ATP2C2: variants seen among roughly 807,000 people sequenced by gnomAD.
ATP2C2 encodes the protein ATPase secretory pathway Ca2+ transporting 2, also known as calcium-transporting ATPase type 2C member 2.
A neutral mutation model predicts 110.8 loss-of-function variants in ATP2C2; 171 were observed. That is an observed-to-expected ratio of 1.54 (90% CI 1.36 to 1.75). The LOEUF is 1.75. Ranked by LOEUF, ATP2C2 falls within the 40% of genes most tolerant of loss-of-function variation. The pLI is 0.00. For missense variants in ATP2C2, 1,963 were observed against 1,235.0 expected (o/e 1.59, Z -8.84); for synonymous variants, 804 against 508.4 (o/e 1.58, Z -7.82).
Position 84,393,280 on chromosome 16 carries a change from C to T in ATP2C2, c.100-5219C>T, listed in dbSNP as rs550060288. On this transcript the variant is annotated intron_variant, in intron 1 of 26. Coordinates refer to ENST00000262429, the MANE Select transcript of ATP2C2 (RefSeq NM_014861.4). ...CAGATTAGGCCCCCGGGCCCCTATG[C>T]ATTCTTAAGGAGATGAGGGGGGTGC... Among the ~76,000 whole-genome samples the T allele has an allele frequency of 2.0e-5, 3 of 152,294 alleles. No individual in the cohort carries two copies. In the South Asian group the frequency reaches 6.2e-4, roughly 32 times the overall value.
At position 84,453,275 on chromosome 16, in the gene ATP2C2, A is replaced by C. The variant is rs1244412843; in HGVS notation, c.1929+40A>C. 3.1e-6 allele frequency: 5 copies of C among 1,614,098 alleles called. No individual in the cohort carries two copies. The South Asian group carries it at 4.4e-5, about 14-fold the overall frequency. On this transcript the variant is annotated intron_variant, in intron 19 of 26. Transcript: ENST00000262429. ...GCTTGGCTGGCAGTGGGGCTGGGTC[A>C]CAGCTTTGAAATCTGATTCTTCGTC...
chr16:84,459,802 T>A, intron 23 of ATP2C2: 1 of 522,840 alleles, frequency 1.9e-6, no homozygotes, highest in Non-Finnish European at 3.5e-6. Flanking sequence ...CTGATTGTGA[T>A]CTGTCTCCCC....
intron 12 of ATP2C2, 22 bp from the exon 13 acceptor site, chr16:84,439,405 A>T: frequency 2.5e-6 from 4 of 1,613,896 alleles, no homozygotes; most frequent in Non-Finnish European, 3.4e-6. Context: ...TCTCTTCTAT[A>T]AACTGGTGTT....
intron 1 of ATP2C2, among the ~76,000 whole-genome samples, chr16:84,375,957 GGGGTA>G (rs1363899082): frequency 2.0e-5 from 3 of 152,168 alleles, no homozygotes; most frequent in Non-Finnish European, 2.9e-5. Flanking sequence ...GGGCTCGGTG[GGGGTA>G]GCTGGGTGGG....
At chr16:84,440,076 GA>G (rs1231285457) in intron 13 of ATP2C2, among the ~76,000 whole-genome samples, 1 of 152,240 alleles carries the variant, frequency 6.6e-6, no homozygotes, top group Non-Finnish European at 1.5e-5. Context: ...GACCTCAGGT[GA>G]TCCGCCCGCC....
intron 17 of ATP2C2, among the ~76,000 whole-genome samples, chr16:84,451,228 T>A (rs1218771434): frequency 6.6e-6 from 1 of 152,164 alleles, no homozygotes; most frequent in Non-Finnish European, 1.5e-5. Context: ...TCCTGAGATG[T>A]ATTCACTACC....
chr16:84,382,546 G>T (rs1366001225), intron 1 of ATP2C2, among the ~76,000 whole-genome samples: 1 of 152,186 alleles, frequency 6.6e-6, no homozygotes, highest in African/African-American at 2.4e-5. Flanking sequence ...CATGGGGGCT[G>T]ATCTGTTCAG....
rs532503768 is a variant in ATP2C2 at position 84,431,084 on chromosome 16, C to G, written c.986+5283C>G. On this transcript the variant is annotated intron_variant, in intron 11 of 26. Transcript: ENST00000262429. ...CAGCTGGATCAGGTAGATCTCTGCC[C>G]TCCTGGAGTTTTCTGGCTGGGGAAA... 2.2e-4 allele frequency among the ~76,000 whole-genome samples: 33 copies of G among 152,192 alleles called. No individual in the cohort carries two copies. In the South Asian group the frequency reaches 2.9e-3, roughly 13 times the overall value.
chr16:84,435,719 A>G (rs200863891), intron 11 of ATP2C2, among the ~76,000 whole-genome samples: 1 of 151,496 alleles, frequency 6.6e-6, no homozygotes, highest in Non-Finnish European at 1.5e-5. Context: ...CCCGGCTACC[A>G]GGGAGGCAGA....
In ATP2C2 at chr16:84,459,673, A is replaced by C; in HGVS notation, c.2333+287A>C. On this transcript the variant is annotated intron_variant, in intron 23 of 26. Coordinates refer to ENST00000262429, the MANE Select transcript of ATP2C2 (RefSeq NM_014861.4). ...ATGGCTCATTCTCATGCTTCATTCC[A>C]GTCACCAGTCACTGCCTTCAGGAAG... The C allele has an allele frequency of 8.0e-6, 10 of 1,244,596 alleles. No individual in the cohort carries two copies. In the South Asian group the frequency reaches 1.1e-4, roughly 14 times the overall value. 77.1% of individuals were successfully genotyped at this position (1,244,596 alleles called of 1,614,324 possible). A position where few individuals can be genotyped will look rare whatever the true frequency, so the allele number is the denominator to read the frequency against.
At chr16:84,422,087 A>T (rs1367883720) in intron 7 of ATP2C2, among the ~76,000 whole-genome samples, 1 of 152,172 alleles carries the variant, frequency 6.6e-6, no homozygotes, top group African/African-American at 2.4e-5. Context: ...GTGGGGACTC[A>T]CACAGGTGTT....
At chr16:84,452,530 G>A (rs1251736895) in intron 18 of ATP2C2, among the ~76,000 whole-genome samples, 1 of 114,450 alleles carries the variant, frequency 8.7e-6, no homozygotes, top group Non-Finnish European at 1.7e-5. Context: ...ATGGAGTCTT[G>A]TTCTGTTGCC....
intron 7 of ATP2C2, 138 bp downstream of exon 7, chr16:84,415,729 C>G: frequency 1.5e-6 from 1 of 665,810 alleles, no homozygotes; most frequent in South Asian, 2.0e-5. Flanking sequence ...ACACACAAGA[C>G]AGGAAGTTAG....
chr16:84,416,098 C>T (rs938072100), intron 7 of ATP2C2, among the ~76,000 whole-genome samples: 3 of 152,152 alleles, frequency 2.0e-5, no homozygotes, highest in African/African-American at 7.2e-5. Context: ...CACTTGAACC[C>T]GGGAGGCGGA....
At chr16:84,368,914 A>T (rs1194338450) in intron 1 of ATP2C2, among the ~76,000 whole-genome samples, 200 bp downstream of exon 1, 1 of 152,150 alleles carries the variant, frequency 6.6e-6, no homozygotes, top group East Asian at 1.9e-4. Context: ...TGGAACCCTC[A>T]CGTGAACCCA....
rs189669667 is a variant in ATP2C2, at chr16:84,381,678, C to G, written c.99+12964C>G. ...ACACTATTCTGCCCACTCCATGCTT[C>G]CATATTCCTGCAGTGTATGTGGGTC... On this transcript the variant is annotated intron_variant, in intron 1 of 26. Coordinates refer to ENST00000262429, the MANE Select transcript of ATP2C2 (RefSeq NM_014861.4). Among the ~76,000 whole-genome samples, 18 of 152,340 alleles carry G rather than the reference C, an allele frequency of 1.2e-4. No individual in the cohort carries two copies. The East Asian group carries it at 3.1e-3, about 26-fold the overall frequency.
At chr16:84,432,360 T>C (rs900747710) in intron 11 of ATP2C2, among the ~76,000 whole-genome samples, 4 of 152,294 alleles carry the variant, frequency 2.6e-5, no homozygotes, top group African/African-American at 9.6e-5. Flanking sequence ...GGTGGTTTGC[T>C]GCACCTACCA....
At chr16:84,455,105 A>T in intron 21 of ATP2C2, 121 bp downstream of exon 21, 1 of 1,308,742 alleles carries the variant, frequency 7.6e-7, no homozygotes, top group African/African-American at 1.5e-5. Context: ...GGGAGAGCTG[A>T]ATCTCGGGGC....
intron 1 of ATP2C2, among the ~76,000 whole-genome samples, chr16:84,383,312 A>T (rs565816439): frequency 3.2e-4 from 48 of 152,316 alleles, no homozygotes; most frequent in Middle Eastern, 6.8e-3. Context: ...ACCTGCCGTG[A>T]CCTTGGGCAA....
Sources: gnomAD v4.1 joint callset for allele counts (sites outside exome capture counted in the v4.1 genomes callset) on GRCh38, gnomAD v4.1.1 for gene constraint, MANE v1.5 for transcripts, NCBI Gene and HGNC (gene_info 2026-07-23, HGNC 2026-07-21) for gene names.